The following NCAM1 variants were observed in gnomAD, a reference collection of about 807,000 sequenced individuals.
NCAM1 encodes antigen recognized by monoclonal antibody 5.1H11.
NCAM1 carries 14 observed loss-of-function variants against 109.8 expected under a neutral mutation model. The ratio of observed to expected loss-of-function variants is 0.13; its 90% CI spans 0.08 to 0.20. NCAM1 has a LOEUF of 0.20. NCAM1 is among the 10% of genes least tolerant of loss of function. The probability of loss-of-function intolerance (pLI) is 1.00; values close to 1 mark genes in which losing one functional copy is unlikely to be tolerated. For synonymous variants in NCAM1, 418 were observed against 442.9 expected (o/e 0.94, Z 0.70); for missense variants, 774 against 1,109.9 (o/e 0.70, Z 4.30).
At chr11:113,272,654 G>A (rs1946307484) in intron 19 of NCAM1, among the ~76,000 whole-genome samples, 1 of 152,166 alleles carries the variant, frequency 6.6e-6, no homozygotes, top group African/African-American at 2.4e-5. Flanking sequence ...GGGAAAGGGA[G>A]CTCTATGCAG....
At chr11:113,145,718 G>A (rs1483832400) in intron 1 of NCAM1, among the ~76,000 whole-genome samples, 1 of 152,086 alleles carries the variant, frequency 6.6e-6, no homozygotes, top group Non-Finnish European at 1.5e-5. Context: ...GGTCAGAATG[G>A]CATTATCCTT....
At chr11:112,982,763 G>A (rs1012837799) in intron 1 of NCAM1, among the ~76,000 whole-genome samples, 7 of 151,772 alleles carry the variant, frequency 4.6e-5, no homozygotes, top group Non-Finnish European at 8.9e-5. Context: ...TGAGGAAGGG[G>A]AAAATAGGGA....
chr11:113,231,846 CAGGATG>C lies in NCAM1; in HGVS notation c.1240+54_1240+59del. On this transcript the variant is annotated intron_variant, in intron 10 of 19. Coordinates refer to ENST00000316851, the MANE Select transcript of NCAM1 (RefSeq NM_181351.5). ...GGGGGAGGGAGGGGCAAGGCAGGGTCAGGATGAGAGAGGAAAACATCAGCAAGGACC... is the reference window on the plus strand; with the variant it reads ...GGGGGAGGGAGGGGCAAGGCAGGGTCAGAGAGGAAAACATCAGCAAGGACC... 5 of 1,606,478 alleles carry C rather than the reference CAGGATG, an allele frequency of 3.1e-6. 1 individual carries two copies. In the South Asian group the frequency reaches 5.6e-5, roughly 18 times the overall value.
At chr11:113,244,303 C>T (rs1460070062) in intron 14 of NCAM1, among the ~76,000 whole-genome samples, 7 of 152,200 alleles carry the variant, frequency 4.6e-5, no homozygotes, top group African/African-American at 1.4e-4. Flanking sequence ...AGGTGTCTCT[C>T]CCCTGACATG....
At position 112,990,732 on chromosome 11, in the gene NCAM1, A is replaced by G. The variant is rs532214257; in HGVS notation, c.52+29068A>G. ...TGGTTTTGATAGAAGGACAATGATCAAACAGAGCTGTAGCTGAGTCCACAG... is the reference window on the plus strand; with the variant it reads ...TGGTTTTGATAGAAGGACAATGATCGAACAGAGCTGTAGCTGAGTCCACAG... On this transcript the variant is annotated intron_variant, in intron 1 of 19. Coordinates refer to ENST00000316851, the MANE Select transcript of NCAM1 (RefSeq NM_181351.5). 2.6e-5 allele frequency among the ~76,000 whole-genome samples: 4 copies of G among 152,276 alleles called. No homozygotes were observed. In the South Asian group the frequency reaches 8.3e-4, roughly 32 times the overall value.
At chr11:113,244,224 C>T (rs1945431509) in intron 14 of NCAM1, among the ~76,000 whole-genome samples, 1 of 152,152 alleles carries the variant, frequency 6.6e-6, no homozygotes, top group Admixed American at 6.5e-5. Flanking sequence ...TCAGGTGGCT[C>T]ACTGTAGGTT....
chr11:113,015,729 TA>T (rs1296356406), intron 1 of NCAM1, among the ~76,000 whole-genome samples: 4 of 148,984 alleles, frequency 2.7e-5, no homozygotes, highest in African/African-American at 4.9e-5. Context: ...AGACTCCATC[TA>T]AAAAAAAACA....
intron 1 of NCAM1, among the ~76,000 whole-genome samples, chr11:113,167,638 T>C (rs1204632029): frequency 6.6e-6 from 1 of 151,726 alleles, no homozygotes; most frequent in Non-Finnish European, 1.5e-5. Context: ...GGGGTTGAGT[T>C]AGTGGTGTGC....
chr11:113,025,778 C>T (rs1176522280), intron 1 of NCAM1, among the ~76,000 whole-genome samples: 2 of 118,812 alleles, frequency 1.7e-5, no homozygotes, highest in Non-Finnish European at 1.7e-5. Context: ...CACAGGGAGC[C>T]GAGAGAGAGA....
chr11:113,081,435 C>A (rs767831076), intron 1 of NCAM1, among the ~76,000 whole-genome samples: 5 of 152,240 alleles, frequency 3.3e-5, no homozygotes, highest in Non-Finnish European at 5.9e-5. Context: ...CTACAACATG[C>A]TGGGCAGAAA....
In NCAM1 at chr11:112,984,069, T is replaced by A. The variant is rs557020344; in HGVS notation, c.52+22405T>A. Among the ~76,000 whole-genome samples the A allele has an allele frequency of 5.9e-5, 9 of 152,040 alleles. No homozygotes were observed. In the East Asian group the frequency reaches 1.7e-3, roughly 29 times the overall value. On this transcript the variant is annotated intron_variant, in intron 1 of 19. Transcript: ENST00000316851. The stretch of plus-strand genomic sequence containing the variant: ...TCTTCCCATTAGCTCCTCTCCTGAC[T>A]CCTGCCCTGGTAACCACCATTCTAC...
At chr11:113,122,124 C>T (rs1343364723) in intron 1 of NCAM1, among the ~76,000 whole-genome samples, 1 of 152,204 alleles carries the variant, frequency 6.6e-6, no homozygotes, top group Non-Finnish European at 1.5e-5. Flanking sequence ...CTGGTGTCAT[C>T]AGCTTGCCTT....
chr11:113,064,935 C>T (rs1468405705), intron 1 of NCAM1, among the ~76,000 whole-genome samples: 7 of 151,952 alleles, frequency 4.6e-5, no homozygotes, highest in Non-Finnish European at 8.8e-5. Flanking sequence ...TATTTCTTTC[C>T]AGCTGAGAGG....
chr11:113,230,010 C>T (rs1316213101), intron 9 of NCAM1, among the ~76,000 whole-genome samples: 3 of 151,686 alleles, frequency 2.0e-5, no homozygotes, highest in African/African-American at 7.3e-5. Context: ...TGCAGCACAC[C>T]AACATGGCAC....
chr11:113,170,248 T>A (rs1170677389), intron 1 of NCAM1, among the ~76,000 whole-genome samples: 3 of 152,172 alleles, frequency 2.0e-5, no homozygotes, highest in African/African-American at 7.2e-5. Flanking sequence ...CCAGGCCTCA[T>A]ACCAAGTCAA....
intron 1 of NCAM1, among the ~76,000 whole-genome samples, chr11:113,136,334 A>G (rs187130946): frequency 9.9e-5 from 15 of 152,254 alleles, no homozygotes; most frequent in African/African-American, 3.6e-4. Flanking sequence ...TAAATGAGTT[A>G]TGGGAGGGGA....
At position 113,171,633 on chromosome 11, in the gene NCAM1, CAATAAATAAATA is replaced by C. The variant is rs58639337; in HGVS notation, c.53-30719_53-30708del. On this transcript the variant is annotated intron_variant, in intron 1 of 19. Transcript: ENST00000316851. ...TAGGCGACAGAGTGAGACTTTGTCT[CAATAAATAAATA>C]AATAAATAAATAAATAAATAAATAA... Among the ~76,000 whole-genome samples the C allele has an allele frequency of 8.0e-3, 1,202 of 149,610 alleles. 18 individuals carry two copies. Among genetic ancestry groups the C allele is most frequent in the African/African-American group, 0.028 (1,146 of 40,642 alleles).
intron 1 of NCAM1, among the ~76,000 whole-genome samples, chr11:113,080,619 A>C (rs1158855286): frequency 6.6e-6 from 1 of 152,170 alleles, no homozygotes; most frequent in Non-Finnish European, 1.5e-5. Flanking sequence ...TTGAATGGAG[A>C]CTATAACTGA....
chr11:113,083,040 G>A (rs1214536953), intron 1 of NCAM1, among the ~76,000 whole-genome samples: 6 of 134,196 alleles, frequency 4.5e-5, no homozygotes, highest in Non-Finnish European at 9.6e-5. Context: ...CCAAAACACA[G>A]TGAATGTTGT....
Sources: allele counts gnomAD v4.1 joint callset (sites outside exome capture counted in the v4.1 genomes callset), GRCh38; gene constraint gnomAD v4.1.1; transcripts MANE v1.5; gene names NCBI Gene and HGNC (gene_info 2026-07-23, HGNC 2026-07-21).